NBPF26: variants seen among roughly 807,000 people sequenced by gnomAD.
NBPF26 encodes the protein NBPF family member NBPF26.
NBPF26 carries 79 observed loss-of-function variants against 119.6 expected under a neutral mutation model. The ratio of observed to expected loss-of-function variants is 0.66; its 90% CI spans 0.55 to 0.80. NBPF26 has a LOEUF of 0.80. Among genes scored for constraint, NBPF26 ranks in the 30% least tolerant of loss-of-function variants. The pLI, the probability that NBPF26 is intolerant of heterozygous loss-of-function variation, is 0.00. For synonymous variants in NBPF26, 299 were observed against 457.7 expected (o/e 0.65, Z 4.43); for missense variants, 800 against 1,198.2 (o/e 0.67, Z 4.91).
rs1157014994 is a variant in NBPF26, at chr1:120,777,677, G to T, written c.156-7297G>T. 6.0e-5 allele frequency among the ~76,000 whole-genome samples: 4 copies of T among 67,210 alleles called. No homozygotes were observed. In the East Asian group the frequency reaches 1.5e-3, roughly 24 times the overall value. The allele number at this position is 67,210 out of a possible 152,430, so 44.1% of individuals were successfully genotyped here. On this transcript the variant is annotated intron_variant, in intron 2 of 29. Coordinates refer to ENST00000620612, the Ensembl canonical transcript of NBPF26. ...TTTCTTTCTTTTTTTTTTGAGAGAA[G>T]GGGGGGTTGAGAGTAGAGTGGGAAT...
rs1440675704 is a variant in NBPF26, at chr1:120,724,729, G to T, written c.73+479G>T. Among the ~76,000 whole-genome samples, 2 of 122,676 alleles carry T rather than the reference G, an allele frequency of 1.6e-5. 1 individual carries two copies. The highest frequency in any genetic ancestry group is 8.1e-5 in the African/African-American group (2 of 24,782). The allele number at this position is 122,676 out of a possible 152,430, so 80.5% of individuals were successfully genotyped here. Reference sequence around the variant, plus strand: ...CGCAGCCAGCCTCGCCTTTGCCAGGGGGCGGCACATGGGCCGGGTGTGTGG... The same window carrying T: ...CGCAGCCAGCCTCGCCTTTGCCAGGTGGCGGCACATGGGCCGGGTGTGTGG... On this transcript the variant is annotated intron_variant, in intron 1 of 29. Transcript: ENST00000620612.
In NBPF26 at chr1:120,784,184, C is replaced by T. The variant is rs1418000825; in HGVS notation, c.156-790C>T. On this transcript the variant is annotated intron_variant, in intron 2 of 29. Transcript: ENST00000620612. ...GTAAAGAACTAAGCTGATGTCCAGCCCTCTAAAACATTTTAAATAGAAATC... is the reference window on the plus strand; with the variant it reads ...GTAAAGAACTAAGCTGATGTCCAGCTCTCTAAAACATTTTAAATAGAAATC... 6.8e-5 allele frequency among the ~76,000 whole-genome samples: 8 copies of T among 117,410 alleles called. 1 individual carries two copies. The highest frequency in any genetic ancestry group is 1.2e-4 in the Non-Finnish European group (7 of 60,754). 77.0% of individuals were successfully genotyped at this position (117,410 alleles called of 152,430 possible). A position where few individuals can be genotyped will look rare whatever the true frequency, so the allele number is the denominator to read the frequency against.
chr1:120,730,034 T>C lies in NBPF26; in HGVS notation c.73+5784T>C, dbSNP rs1336883911. On this transcript the variant is annotated intron_variant, in intron 1 of 29. Coordinates refer to ENST00000620612, the Ensembl canonical transcript of NBPF26. Reference sequence around the variant, plus strand: ...ATAAGGTTAGTAAAGTTGTTTGTTTTGTCTTAAAAGAAATTTGTGAAATCC... The same window carrying C: ...ATAAGGTTAGTAAAGTTGTTTGTTTCGTCTTAAAAGAAATTTGTGAAATCC... 8.9e-5 allele frequency among the ~76,000 whole-genome samples: 9 copies of C among 101,232 alleles called. 1 individual carries two copies. The highest frequency in any genetic ancestry group is 1.6e-4 in the Non-Finnish European group (9 of 55,432). The allele number at this position is 101,232 out of a possible 152,430, so 66.4% of individuals were successfully genotyped here. A position where few individuals can be genotyped will look rare whatever the true frequency, so the allele number is the denominator to read the frequency against.
intron 17 of NBPF26, among the ~76,000 whole-genome samples, chr1:120,823,752 C>CTGTG (rs1177031452): frequency 0.021 from 1,541 of 73,372 alleles, 239 homozygotes; most frequent in Admixed American, 0.037. Context: ...TGAGCTCGCT[C>CTGTG]TGTGTGTGTG....
In NBPF26 at chr1:120,724,279, G is replaced by C. The variant is rs1650789530; in HGVS notation, c.73+29G>C. 2.6e-5 allele frequency: 36 copies of C among 1,377,650 alleles called. 8 individuals carry two copies. Among genetic ancestry groups the C allele is most frequent in the Non-Finnish European group, 3.3e-5 (35 of 1,055,410 alleles). 85.3% of individuals were successfully genotyped at this position (1,377,650 alleles called of 1,614,324 possible). On this transcript the variant is annotated intron_variant, in intron 1 of 29. Coordinates refer to ENST00000620612, the Ensembl canonical transcript of NBPF26. ...AGTATCGGGCTGAGGGGCGCTGTCCGCGGCGCCCGGGGCTGCCACCTGGGG... is the reference window on the plus strand; with the variant it reads ...AGTATCGGGCTGAGGGGCGCTGTCCCCGGCGCCCGGGGCTGCCACCTGGGG...
chr1:120,815,186 G>A, intron 12 of NBPF26, 143 bp downstream of exon 12: 1 of 642,434 alleles, frequency 1.6e-6, no homozygotes, highest in Non-Finnish European at 2.5e-6. Context: ...GGACTTCTTG[G>A]GTAAGAACAG....
Position 120,770,811 on chromosome 1 carries a change from T to C in NBPF26, c.155+7102T>C, listed in dbSNP as rs1250692318. Among the ~76,000 whole-genome samples, 34 of 117,460 alleles carry C rather than the reference T, an allele frequency of 2.9e-4. 10 individuals carry two copies. The highest frequency in any genetic ancestry group is 2.7e-3 in the Admixed American group (34 of 12,478). 77.1% of individuals were successfully genotyped at this position (117,460 alleles called of 152,430 possible). A position where few individuals can be genotyped will look rare whatever the true frequency, so the allele number is the denominator to read the frequency against. On this transcript the variant is annotated intron_variant, in intron 2 of 29. Coordinates refer to ENST00000620612, the Ensembl canonical transcript of NBPF26. ...AGTTGGTAGTTCAAATGGAACCTTC[T>C]GAAAAGGAAGTGTGGAACATTTGAA...
Position 120,801,795 on chromosome 1 carries a change from C to G in NBPF26, c.752-3761C>G, listed in dbSNP as rs1402828088. Among the ~76,000 whole-genome samples, 39 of 71,334 alleles carry G rather than the reference C, an allele frequency of 5.5e-4. 1 individual carries two copies. In the East Asian group the frequency reaches 0.01, roughly 19 times the overall value. The allele number at this position is 71,334 out of a possible 152,430, so 46.8% of individuals were successfully genotyped here. A position where few individuals can be genotyped will look rare whatever the true frequency, so the allele number is the denominator to read the frequency against. ...AGTGATCTATAATCACCACTGCACTCCAGCCTGGGTGACAGAACAAGACCC... is the reference window on the plus strand; with the variant it reads ...AGTGATCTATAATCACCACTGCACTGCAGCCTGGGTGACAGAACAAGACCC... On this transcript the variant is annotated intron_variant, in intron 4 of 29. Coordinates refer to ENST00000620612, the Ensembl canonical transcript of NBPF26.
rs1180197395 is a variant in NBPF26, at chr1:120,813,514, C to T, written c.1775-377C>T. 7.9e-5 allele frequency among the ~76,000 whole-genome samples: 10 copies of T among 127,036 alleles called. 2 individuals carry two copies. The highest frequency in any genetic ancestry group is 4.7e-4 in the South Asian group (2 of 4,212). The allele number at this position is 127,036 out of a possible 152,430, so 83.3% of individuals were successfully genotyped here. A position where few individuals can be genotyped will look rare whatever the true frequency, so the allele number is the denominator to read the frequency against. ...CAGTCCCATAGTCCTAGGGGCTTTC[C>T]CAACTGTACAAGAAATCACTACTTC... On this transcript the variant is annotated intron_variant, in intron 10 of 29. Transcript: ENST00000620612.
At position 120,809,904 on chromosome 1, in the gene NBPF26, G is replaced by A. The variant is rs1651815913; in HGVS notation, c.1352+21G>A. 42 of 1,530,070 alleles carry A rather than the reference G, an allele frequency of 2.7e-5. 1 individual carries two copies. In the South Asian group the frequency reaches 4.7e-4, roughly 17 times the overall value. The allele number at this position is 1,530,070 out of a possible 1,614,324, so 94.8% of individuals were successfully genotyped here. A position where few individuals can be genotyped will look rare whatever the true frequency, so the allele number is the denominator to read the frequency against. ...CCCAGGTAACACTGAATACTCAGGA[G>A]CAAGTAATGGGTGGTAACATATGAA... On this transcript the variant is annotated intron_variant, in intron 8 of 29. Coordinates refer to ENST00000620612, the Ensembl canonical transcript of NBPF26.
At chr1:120,810,880 T>A (rs1199361015) in intron 9 of NBPF26, among the ~76,000 whole-genome samples, 1 of 108,528 alleles carries the variant, frequency 9.2e-6, no homozygotes, top group Non-Finnish European at 1.8e-5. Context: ...GCTGAGATGA[T>A]CCTCCCACTC....
In NBPF26 at chr1:120,806,457, G is replaced by A. The variant is rs1553270052; in HGVS notation, c.961+692G>A. Among the ~76,000 whole-genome samples the A allele has an allele frequency of 7.8e-5, 9 of 115,948 alleles. 3 individuals carry two copies. Among genetic ancestry groups the A allele is most frequent in the South Asian group, 2.7e-4 (1 of 3,722 alleles). The allele number at this position is 115,948 out of a possible 152,430, so 76.1% of individuals were successfully genotyped here. ...AAAATACAAAAAGTAGATGGGCATC[G>A]TGGCGGGCAACTGTAATCACCACTA... On this transcript the variant is annotated intron_variant, in intron 5 of 29. Coordinates refer to ENST00000620612, the Ensembl canonical transcript of NBPF26.
chr1:120,766,110 C>T (rs1285213071), intron 2 of NBPF26, among the ~76,000 whole-genome samples: 1 of 41,888 alleles, frequency 2.4e-5, no homozygotes, highest in Admixed American at 2.3e-4. Context: ...AACAAACCTG[C>T]ACATTCTGCA....
At chr1:120,838,716 T>A (rs1279035423) in intron 27 of NBPF26, 29 bp from the exon 34 acceptor site, 24 of 38,698 alleles carry the variant, frequency 6.2e-4, no homozygotes, top group Non-Finnish European at 9.0e-4. Flanking sequence ...TTCCCCTGGC[T>A]TATTCTTTAC....
Position 120,767,902 on chromosome 1 carries a change from C to T in NBPF26, c.155+4193C>T, listed in dbSNP as rs1293236686. On this transcript the variant is annotated intron_variant, in intron 2 of 29. Transcript: ENST00000620612. ...TATTGTAGTTATTTAAAATCTTTGT[C>T]TGCTGGTTCTTAACAACTGGGTTGT... 1.7e-5 allele frequency among the ~76,000 whole-genome samples: 2 copies of T among 116,550 alleles called. 1 individual carries two copies. The highest frequency in any genetic ancestry group is 3.3e-5 in the Non-Finnish European group (2 of 60,906). 76.5% of individuals were successfully genotyped at this position (116,550 alleles called of 152,430 possible).
In NBPF26 at chr1:120,760,214, GTCTC is replaced by G. The variant is rs1246532105; in HGVS notation, c.74-3408_74-3405del. ...TTTTTTTTTTTTTTTTTGAGATGGAGTCTCTCTCTGTCACTCAGGCTGGAGTACA... is the reference window on the plus strand; with the variant it reads ...TTTTTTTTTTTTTTTTTGAGATGGAGTCTCTGTCACTCAGGCTGGAGTACA... On this transcript the variant is annotated intron_variant, in intron 1 of 29. Coordinates refer to ENST00000620612, the Ensembl canonical transcript of NBPF26. Among the ~76,000 whole-genome samples the G allele has an allele frequency of 2.1e-3, 137 of 65,492 alleles. 9 individuals are homozygous for G. The highest frequency in any genetic ancestry group is 3.2e-3 in the Non-Finnish European group (128 of 40,074). The allele number at this position is 65,492 out of a possible 152,430, so 43.0% of individuals were successfully genotyped here.
exon 1 of NBPF26, chr1:120,724,099 C>T: frequency 7.5e-7 from 1 of 1,332,902 alleles, no homozygotes; most frequent in Non-Finnish European, 9.7e-7. Flanking sequence ...GCTCCTCTAT[C>T]GGGACCCCCT....
Position 120,761,331 on chromosome 1 carries a change from A to G in NBPF26, c.74-2297A>G. 1.8e-5 allele frequency among the ~76,000 whole-genome samples: 2 copies of G among 113,762 alleles called. 1 individual carries two copies. The highest frequency in any genetic ancestry group is 3.3e-5 in the Non-Finnish European group (2 of 60,060). 74.6% of individuals were successfully genotyped at this position (113,762 alleles called of 152,430 possible). On this transcript the variant is annotated intron_variant, in intron 1 of 29. Transcript: ENST00000620612. ...TGGGCATGCCATTCATGTACTTATAAGGAGGGAGCTGTTGCTGGTGGATCA... is the reference window on the plus strand; with the variant it reads ...TGGGCATGCCATTCATGTACTTATAGGGAGGGAGCTGTTGCTGGTGGATCA...
chr1:120,781,698 G>A, intron 2 of NBPF26, among the ~76,000 whole-genome samples: 1 of 81,320 alleles, frequency 1.2e-5, no homozygotes, highest in Non-Finnish European at 2.2e-5. Flanking sequence ...CGAGTAGCTG[G>A]GACTACAGGC....
Sources: gnomAD v4.1 joint callset for allele counts (sites outside exome capture counted in the v4.1 genomes callset) on GRCh38, gnomAD v4.1.1 for gene constraint, MANE v1.5 for transcripts, NCBI Gene and HGNC (gene_info 2026-07-23, HGNC 2026-07-21) for gene names.